TTC3: variants seen among roughly 807,000 people sequenced by gnomAD.
TTC3 encodes the protein E3 ubiquitin-protein ligase TTC3.
A neutral mutation model predicts 249.6 loss-of-function variants in TTC3; 180 were observed. That is an observed-to-expected ratio of 0.72 (90% CI 0.64 to 0.82). The LOEUF (loss-of-function observed/expected upper bound fraction) is 0.82. Among genes scored for constraint, TTC3 ranks in the 40% least tolerant of loss-of-function variants. TTC3 has a pLI of 0.00. For missense variants in TTC3, 2,061 were observed against 2,398.4 expected (o/e 0.86, Z 2.94); for synonymous variants, 717 against 805.0 (o/e 0.89, Z 1.85).
At chr21:37,144,712 T>A (rs779729186) in intron 21 of TTC3, 67 bp downstream of exon 21, 29 of 1,557,222 alleles carry the variant, frequency 1.9e-5, no homozygotes, top group Non-Finnish European at 2.4e-5. Flanking sequence ...GACTCAGGTA[T>A]CAGGAGGCGG....
intron 34 of TTC3, among the ~76,000 whole-genome samples, chr21:37,169,510 C>T (rs2081542524): frequency 6.6e-6 from 1 of 151,666 alleles, no homozygotes; most frequent in African/African-American, 2.4e-5. Context: ...CGCCAGTGTA[C>T]TCCAGCCTGG....
chr21:37,197,387 C>CAA (rs34686832), intron 42 of TTC3, among the ~76,000 whole-genome samples, 183 bp from the exon 43 acceptor site: 21 of 124,350 alleles, frequency 1.7e-4, no homozygotes, highest in African/African-American at 3.0e-4. Context: ...GACACTGTCT[C>CAA]AAAAAAAAAA....
At chr21:37,113,475 C>T (rs564432261) in intron 11 of TTC3, among the ~76,000 whole-genome samples, 45 of 152,286 alleles carry the variant, frequency 3.0e-4, no homozygotes, top group Middle Eastern at 3.4e-3. Context: ...ATCCAACTTA[C>T]AAGGGATGTG....
chr21:37,087,489 G>A, intron 2 of TTC3, 88 bp downstream of exon 2: 2 of 1,513,720 alleles, frequency 1.3e-6, no homozygotes, highest in Non-Finnish European at 1.8e-6. Context: ...TGTTTTTGTG[G>A]TACGTGCGTT....
chr21:37,199,818 C>G (rs1477875151), intron 44 of TTC3, among the ~76,000 whole-genome samples: 1 of 152,130 alleles, frequency 6.6e-6, no homozygotes, highest in Non-Finnish European at 1.5e-5. Flanking sequence ...GGATTATGGG[C>G]TTCCGTCATG....
chr21:37,087,085 G>C (rs1239804318), intron 1 of TTC3, 162 bp from the exon 2 acceptor site: 1 of 710,720 alleles, frequency 1.4e-6, no homozygotes, highest in African/African-American at 1.8e-5. Context: ...AAAGTCAGCA[G>C]AATGGGGACG....
At chr21:37,151,431 G>A (rs941133212) in intron 25 of TTC3, among the ~76,000 whole-genome samples, 3 of 151,418 alleles carry the variant, frequency 2.0e-5, no homozygotes, top group African/African-American at 7.3e-5. Flanking sequence ...TATCATTTGT[G>A]ACCAAGAAAA....
exon 46 of TTC3, chr21:37,202,248 T>A (rs926064845): frequency 6.6e-6 from 1 of 152,270 alleles, no homozygotes; most frequent in Non-Finnish European, 1.5e-5. Flanking sequence ...ATAGATGTAA[T>A]CTGATTTTCA....
At position 37,090,113 on chromosome 21, in the gene TTC3, C is replaced by T. The variant is rs573989097; in HGVS notation, c.427-120C>T. 8 of 602,674 alleles carry T rather than the reference C, an allele frequency of 1.3e-5. No homozygotes were observed. In the Admixed American group the frequency reaches 1.5e-4, roughly 11 times the overall value. The allele number at this position is 602,674 out of a possible 1,614,324, so 37.3% of individuals were successfully genotyped here. ...GTAACTTGGTCATGTAAATGCTTGT[C>T]GGAAGTGTACTACTGAGTACATATA... On this transcript the variant is annotated intron_variant, in intron 5 of 45. Transcript: ENST00000355666.
At chr21:37,114,293 A>G (rs2075934393) in intron 11 of TTC3, among the ~76,000 whole-genome samples, 1 of 152,166 alleles carries the variant, frequency 6.6e-6, no homozygotes, top group African/African-American at 2.4e-5. Context: ...TACTCATCTG[A>G]CAAAGGGCTA....
intron 15 of TTC3, 142 bp from the exon 16 acceptor site, chr21:37,128,861 C>T (rs2077242667): frequency 9.4e-6 from 4 of 426,546 alleles, no homozygotes; most frequent in Non-Finnish European, 1.7e-5. Flanking sequence ...TCTTTTTTGG[C>T]TTACCCTTTT....
chr21:37,173,636 A>G (rs2081995653), intron 35 of TTC3, among the ~76,000 whole-genome samples: 1 of 152,254 alleles, frequency 6.6e-6, no homozygotes. Context: ...GTCTGGATCA[A>G]TAGCTGGGAT....
intron 20 of TTC3, among the ~76,000 whole-genome samples, chr21:37,143,112 C>A (rs961617392): frequency 1.3e-5 from 2 of 152,210 alleles, no homozygotes; most frequent in Non-Finnish European, 2.9e-5. Context: ...GGATTAAAGA[C>A]TTCAATGTTT....
exon 19 of TTC3, chr21:37,138,647 C>T (rs766008069): frequency 1.2e-6 from 2 of 1,611,004 alleles, no homozygotes; most frequent in Admixed American, 1.7e-5. Flanking sequence ...TTGAACCTGG[C>T]CATGATTAAC....
intron 34 of TTC3, among the ~76,000 whole-genome samples, chr21:37,168,288 A>G (rs1430702455): frequency 6.6e-6 from 1 of 152,168 alleles, no homozygotes; most frequent in Admixed American, 6.5e-5. Context: ...TGGGTATATT[A>G]ACTGAGAAAG....
intron 28 of TTC3, among the ~76,000 whole-genome samples, chr21:37,159,119 C>T (rs2080425670): frequency 1.3e-5 from 2 of 152,198 alleles, no homozygotes; most frequent in African/African-American, 4.8e-5. Flanking sequence ...TGAGCACACA[C>T]CCCACTACTG....
intron 18 of TTC3, 84 bp downstream of exon 18, chr21:37,135,598 G>A (rs2077861219): frequency 6.7e-7 from 1 of 1,490,176 alleles, no homozygotes; most frequent in South Asian, 1.3e-5. Context: ...TTAACTCATT[G>A]TAGTAATGTA....
chr21:37,124,263 A>G (rs758222844), intron 13 of TTC3, among the ~76,000 whole-genome samples: 1 of 151,408 alleles, frequency 6.6e-6, no homozygotes, highest in Non-Finnish European at 1.5e-5. Flanking sequence ...TTACAGGCAC[A>G]TGCCACCACA....
intron 11 of TTC3, among the ~76,000 whole-genome samples, chr21:37,112,920 A>G (rs1433757985): frequency 6.6e-6 from 1 of 152,252 alleles, no homozygotes; most frequent in Non-Finnish European, 1.5e-5. Context: ...CCAGCATATA[A>G]ACAGAACCAA....
Sources: gnomAD v4.1 joint callset for allele counts (sites outside exome capture counted in the v4.1 genomes callset) on GRCh38, gnomAD v4.1.1 for gene constraint, MANE v1.5 for transcripts, NCBI Gene and HGNC (gene_info 2026-07-23, HGNC 2026-07-21) for gene names.